Variants in PTPN13 observed in about 807,000 individuals in gnomAD.
PTPN13 encodes tyrosine-protein phosphatase non-receptor type 13.
Under a neutral mutation model 284.0 loss-of-function variants are expected in PTPN13, and 191 were observed. The observed-to-expected ratio is 0.67, with a 90% CI of 0.60 to 0.76. The LOEUF (loss-of-function observed/expected upper bound fraction) is 0.76. Among genes scored for constraint, PTPN13 ranks in the 30% least tolerant of loss-of-function variants. PTPN13 has a pLI of 0.00. For synonymous variants in PTPN13, 986 were observed against 1,022.3 expected, an observed-to-expected ratio of 0.96 and a Z score of 0.68; for missense variants, 2,797 against 2,939.9, an observed-to-expected ratio of 0.95 and a Z score of 1.12.
At chr4:86,630,994 T>A (rs1015416054) in intron 1 of PTPN13, among the ~76,000 whole-genome samples, 1 of 152,162 alleles carries the variant, frequency 6.6e-6, no homozygotes, top group Admixed American at 6.6e-5. Context: ...ATTCTGGTTA[T>A]GTGATAGAAT....
intron 16 of PTPN13, among the ~76,000 whole-genome samples, chr4:86,744,345 T>C (rs1236227722): frequency 6.6e-6 from 1 of 152,186 alleles, no homozygotes; most frequent in African/African-American, 2.4e-5. Flanking sequence ...CACATATTTA[T>C]TATTTCCTTT....
intron 9 of PTPN13, among the ~76,000 whole-genome samples, chr4:86,719,417 A>T (rs1263288818): frequency 6.6e-6 from 1 of 152,158 alleles, no homozygotes; most frequent in Non-Finnish European, 1.5e-5. Flanking sequence ...TTGCTATTGT[A>T]AATAGTGCTG....
chr4:86,703,127 G>A (rs549807779), intron 7 of PTPN13, among the ~76,000 whole-genome samples: 2 of 152,174 alleles, frequency 1.3e-5, no homozygotes, highest in African/African-American at 4.8e-5. Flanking sequence ...TTATTGAATA[G>A]TTAATTGATA....
At chr4:86,639,216 T>G (rs1018117081) in intron 2 of PTPN13, among the ~76,000 whole-genome samples, 1 of 151,806 alleles carries the variant, frequency 6.6e-6, no homozygotes, top group Non-Finnish European at 1.5e-5. Flanking sequence ...GGAACACTTT[T>G]ACACTGTTGG....
At chr4:86,652,161 T>C (rs147544767) in intron 2 of PTPN13, among the ~76,000 whole-genome samples, 1 of 152,156 alleles carries the variant, frequency 6.6e-6, no homozygotes, top group African/African-American at 2.4e-5. Flanking sequence ...TTAATCTCAA[T>C]TTTAATAATT....
intron 1 of PTPN13, among the ~76,000 whole-genome samples, chr4:86,595,000 G>A (rs987802881): frequency 2.0e-5 from 3 of 152,134 alleles, no homozygotes; most frequent in Non-Finnish European, 4.4e-5. Flanking sequence ...GAGTGGGGAA[G>A]AATGAGATGA....
At chr4:86,737,101 G>A (rs1385351841) in intron 15 of PTPN13, among the ~76,000 whole-genome samples, 1 of 152,026 alleles carries the variant, frequency 6.6e-6, no homozygotes, top group Non-Finnish European at 1.5e-5. Context: ...GCTGGGCATA[G>A]TTAGGGATGC....
rs144609331 is a variant in PTPN13 at position 86,799,986 on chromosome 4, C to T, written c.6505+782C>T. On this transcript the variant is annotated intron_variant, in intron 42 of 47. Transcript: ENST00000411767. ...CCAAGTAGCTGGGATTACAAGTGTG[C>T]GCCACCATGCCTGGCTATTTTTTCT... is the stretch of plus-strand genomic sequence containing the variant. Among the ~76,000 whole-genome samples the T allele has an allele frequency of 1.4e-3, 205 of 151,014 alleles. 1 individual carries two copies. The highest frequency in any genetic ancestry group is 2.2e-3 in the Admixed American group (34 of 15,166).
At chr4:86,752,427 A>C (rs915267731) in intron 19 of PTPN13, among the ~76,000 whole-genome samples, 2 of 152,198 alleles carry the variant, frequency 1.3e-5, no homozygotes, top group African/African-American at 4.8e-5. Flanking sequence ...CAGTCAGTTA[A>C]AAAAACTTAG....
Position 86,767,851 on chromosome 4 carries a change from C to T in PTPN13, c.4364C>T (p.Pro1455Leu). ...VHLLLEKGQS[P>L]TSKEHVPVTP... ...CTGTTATTAGAAAAGGGACAATCTCCAACATCTAAAGAACATGTCCCGGTA... is the reference window on the plus strand; with the variant it reads ...CTGTTATTAGAAAAGGGACAATCTCTAACATCTAAAGAACATGTCCCGGTA... The change falls in exon 28 of 48, where the codon CCA becomes CTA. Residue 1455 changes from proline to leucine, a missense_variant. Coordinates refer to ENST00000411767, the MANE Select transcript of PTPN13 (RefSeq NM_080683.3). 6.3e-7 allele frequency: 1 copy of T among 1,598,430 alleles called. No individual in the cohort carries two copies. The highest frequency in any genetic ancestry group is 1.1e-5 in the South Asian group (1 of 88,354).
Position 86,667,014 on chromosome 4 carries a change from T to C in PTPN13, c.116-5351T>C, listed in dbSNP as rs191550671. Among the ~76,000 whole-genome samples, 513 of 152,342 alleles carry C rather than the reference T, an allele frequency of 3.4e-3. 1 individual carries two copies. The highest frequency in any genetic ancestry group is 0.012 in the African/African-American group (496 of 41,578). ...CAGCTCAATTGTACGGGCTACTCTC[T>C]GTTAGAAAAGAAAATGATTTTGGTA... On this transcript the variant is annotated intron_variant, in intron 2 of 47. Transcript: ENST00000411767.
At chr4:86,599,292 A>G (rs753516732) in intron 1 of PTPN13, among the ~76,000 whole-genome samples, 52 of 152,138 alleles carry the variant, frequency 3.4e-4, no homozygotes, top group African/African-American at 1.1e-3. Context: ...TATTTTTTCT[A>G]TATAAATCTT....
At chr4:86,739,949 T>G (rs1735973946) in intron 15 of PTPN13, among the ~76,000 whole-genome samples, 1 of 152,190 alleles carries the variant, frequency 6.6e-6, no homozygotes, top group Admixed American at 6.5e-5. Context: ...TGATCTCCTT[T>G]GACTGCATGT....
chr4:86,802,409 AAGCT>A lies in PTPN13; in HGVS notation c.6506-1299_6506-1296del, dbSNP rs1578714739. Among the ~76,000 whole-genome samples the A allele has an allele frequency of 2.6e-5, 4 of 152,274 alleles. 1 individual carries two copies. On this transcript the variant is annotated intron_variant, in intron 42 of 47. Transcript: ENST00000411767. ...GGCTGGTTTTGCAGGGAAAAGAAGCAAGCTGTCCCCAGGCTGCCCATGATAAACC... is the reference window on the plus strand; with the variant it reads ...GGCTGGTTTTGCAGGGAAAAGAAGCAGTCCCCAGGCTGCCCATGATAAACC...
chr4:86,732,962 T>C (rs1367721112), intron 12 of PTPN13, among the ~76,000 whole-genome samples, 196 bp downstream of exon 12: 1 of 152,156 alleles, frequency 6.6e-6, no homozygotes, highest in Non-Finnish European at 1.5e-5. Flanking sequence ...AGGCACCTTC[T>C]GTATCTGACT....
intron 3 of PTPN13, among the ~76,000 whole-genome samples, chr4:86,677,414 A>G (rs1728408956): frequency 6.7e-6 from 1 of 150,090 alleles, no homozygotes; most frequent in Non-Finnish European, 1.5e-5. Context: ...TCCCGGGTTC[A>G]AGTAGTTCTC....
At chr4:86,774,864 T>C (rs1335786882) in intron 33 of PTPN13, among the ~76,000 whole-genome samples, 2 of 152,012 alleles carry the variant, frequency 1.3e-5, no homozygotes, top group African/African-American at 4.8e-5. Flanking sequence ...CAGTAAGGCA[T>C]AAAACAAGCT....
At chr4:86,709,217 C>T (rs967433327) in intron 7 of PTPN13, among the ~76,000 whole-genome samples, 3 of 152,064 alleles carry the variant, frequency 2.0e-5, no homozygotes, top group African/African-American at 4.8e-5. Flanking sequence ...CAGCAATCTG[C>T]CTTAAGATTC....
intron 2 of PTPN13, among the ~76,000 whole-genome samples, chr4:86,658,893 G>A (rs1197585414): frequency 2.0e-5 from 3 of 152,122 alleles, no homozygotes; most frequent in African/African-American, 7.2e-5. Context: ...AAAGCAGTCA[G>A]AGAGAAAAAG....
Sources: gnomAD v4.1 joint callset for allele counts (sites outside exome capture counted in the v4.1 genomes callset) on GRCh38, gnomAD v4.1.1 for gene constraint, MANE v1.5 for transcripts, NCBI Gene and HGNC (gene_info 2026-07-23, HGNC 2026-07-21) for gene names.